The following SCML4 variants were observed in gnomAD, a reference collection of about 807,000 sequenced individuals.
SCML4 encodes the protein Scm polycomb group protein like 4.
Under a neutral mutation model 41.1 loss-of-function variants are expected in SCML4, and 34 were observed. That is an observed-to-expected ratio of 0.83 (90% CI 0.63 to 1.10). The LOEUF (loss-of-function observed/expected upper bound fraction) is 1.10, where lower values mean the gene tolerates loss of function less well. Ranked by LOEUF, SCML4 falls within the 50% of genes least tolerant of loss-of-function variation. SCML4 has a pLI of 0.00. For synonymous variants in SCML4, 214 were observed against 220.9 expected (o/e 0.97, Z 0.28); for missense variants, 522 against 534.1 (o/e 0.98, Z 0.22).
chr6:107,837,346 T>C, the SCML4 span, among the ~76,000 whole-genome samples: 1 of 152,138 alleles, frequency 6.6e-6, no homozygotes, highest in Non-Finnish European at 1.5e-5. Context: ...TGTCTTGGTG[T>C]GTTTGGGGGA....
chr6:107,832,757 G>A, the SCML4 span, among the ~76,000 whole-genome samples: 1 of 152,216 alleles, frequency 6.6e-6, no homozygotes, highest in Non-Finnish European at 1.5e-5. Context: ...AGAAGGTGGG[G>A]CAGAGGAGAC....
At chr6:107,767,687 C>T (rs1194048927) in intron 2 of SCML4, among the ~76,000 whole-genome samples, 6 of 152,228 alleles carry the variant, frequency 3.9e-5, no homozygotes. Context: ...TATCCATTCT[C>T]CTTTCTCCCT....
intron 6 of SCML4, among the ~76,000 whole-genome samples, chr6:107,713,579 A>C (rs566746527): frequency 3.9e-5 from 6 of 152,190 alleles, no homozygotes; most frequent in Non-Finnish European, 8.8e-5. Flanking sequence ...TAAATTGTGA[A>C]TATTATTTGC....
intron 1 of SCML4, among the ~76,000 whole-genome samples, chr6:107,803,003 C>A (rs1283392872): frequency 2.6e-5 from 4 of 151,636 alleles, no homozygotes; most frequent in Non-Finnish European, 5.9e-5. Context: ...GCCTCGGCCT[C>A]CCGAGGTGCC....
chr6:107,749,320 A>G (rs985383253), intron 3 of SCML4, among the ~76,000 whole-genome samples: 1 of 152,092 alleles, frequency 6.6e-6, no homozygotes, highest in African/African-American at 2.4e-5. Context: ...GAGCAAACAC[A>G]GGAACAAGAG....
At position 107,707,969 on chromosome 6, in the gene SCML4, C is replaced by G. The variant is rs1214484141; in HGVS notation, c.1016G>C (p.Arg339Pro). The stretch of plus-strand genomic sequence containing the variant: ...AGTCCAGGCGGAGGGGTTCCTGCTC[C>G]GTGGCCGCCTGGCATCCTGCGCATC... ...SQDAQDARRP[R>P]SRNPSAWTVE... is the part of the protein sequence containing the mutation. The change falls in exon 7 of 8, where the codon CGG becomes CCG. Residue 339 changes from arginine to proline, a missense_variant. Transcript: ENST00000369020. The G allele has an allele frequency of 3.2e-6, 5 of 1,551,540 alleles. No homozygotes were observed. In the South Asian group the frequency reaches 5.9e-5, roughly 18 times the overall value.
chr6:107,811,016 GGC>G (rs1357320755), intron 1 of SCML4, among the ~76,000 whole-genome samples: 1 of 152,086 alleles, frequency 6.6e-6, no homozygotes, highest in Non-Finnish European at 1.5e-5. Context: ...AATCCAATAG[GGC>G]TGGTGTCTTT....
intron 5 of SCML4, among the ~76,000 whole-genome samples, chr6:107,741,695 G>A (rs543461387): frequency 1.3e-5 from 2 of 152,318 alleles, no homozygotes; most frequent in South Asian, 4.1e-4. Flanking sequence ...TCTGCATTTG[G>A]AAAGGGCAAT....
chr6:107,808,854 G>A lies in SCML4; in HGVS notation c.-60+15272C>T, dbSNP rs1459072563. Among the ~76,000 whole-genome samples the A allele has an allele frequency of 2.0e-5, 3 of 152,294 alleles. No individual in the cohort carries two copies. In the East Asian group the frequency reaches 5.8e-4, roughly 29 times the overall value. On this transcript the variant is annotated intron_variant, in intron 1 of 7. Coordinates refer to ENST00000369020, the MANE Select transcript of SCML4 (RefSeq NM_198081.5). Reference sequence around the variant, plus strand: ...TTAAGTAATTATAAATAACATATATGTGTATTGGGATGATTTAACAGAGAA... The same window carrying A: ...TTAAGTAATTATAAATAACATATATATGTATTGGGATGATTTAACAGAGAA...
intron 1 of SCML4, among the ~76,000 whole-genome samples, chr6:107,813,750 T>G (rs181495404): frequency 7.2e-5 from 11 of 152,296 alleles, no homozygotes; most frequent in African/African-American, 2.6e-4. Flanking sequence ...TAGCTTCTCA[T>G]AGCTCACCAT....
intron 1 of SCML4, among the ~76,000 whole-genome samples, chr6:107,811,859 G>C (rs1161210504): frequency 2.0e-5 from 3 of 152,204 alleles, no homozygotes; most frequent in South Asian, 4.1e-4. Flanking sequence ...ATGGCTGTGA[G>C]ACATGGACCA....
At chr6:107,739,666 C>T (rs998593826) in intron 5 of SCML4, among the ~76,000 whole-genome samples, 1 of 152,188 alleles carries the variant, frequency 6.6e-6, no homozygotes, top group East Asian at 1.9e-4. Flanking sequence ...AACCTCCACC[C>T]TTCCCTCATA....
At position 107,795,413 on chromosome 6, in the gene SCML4, C is replaced by T. The variant is rs140571540; in HGVS notation, c.-59-23027G>A. Among the ~76,000 whole-genome samples the T allele has an allele frequency of 3.2e-3, 491 of 152,258 alleles. 2 individuals are homozygous for T. Among genetic ancestry groups the T allele is most frequent in the African/African-American group, 0.011 (470 of 41,538 alleles). ...TCTTAATTGCAGTATAATTTACCTACAGTCAATTTCATAGGTCTTAAAAGT... is the reference window on the plus strand; with the variant it reads ...TCTTAATTGCAGTATAATTTACCTATAGTCAATTTCATAGGTCTTAAAAGT... On this transcript the variant is annotated intron_variant, in intron 1 of 7. Transcript: ENST00000369020.
Position 107,703,542 on chromosome 6 carries a change from C to T in SCML4, c.*1658G>A, listed in dbSNP as rs1398034694. On this transcript the variant is annotated 3_prime_UTR_variant, in exon 8 of 8. Coordinates refer to ENST00000369020, the MANE Select transcript of SCML4 (RefSeq NM_198081.5). ...GGCATGGACTATTTCTTATGGCCTT[C>T]ATCTGGATTCTAACTATATAGAGGG... Among the ~76,000 whole-genome samples, 1 of 152,230 alleles carries T rather than the reference C, an allele frequency of 6.6e-6. No individual in the cohort carries two copies. Among genetic ancestry groups the T allele is most frequent in the East Asian group, 1.9e-4 (1 of 5,194 alleles).
intron 5 of SCML4, among the ~76,000 whole-genome samples, chr6:107,724,503 A>G (rs1583413952): frequency 1.3e-5 from 2 of 152,242 alleles, no homozygotes; most frequent in East Asian, 3.8e-4. Flanking sequence ...TAACAATTAG[A>G]AAATAAAATT....
intron 1 of SCML4, among the ~76,000 whole-genome samples, chr6:107,778,059 T>C (rs1319652815): frequency 6.6e-6 from 1 of 150,472 alleles, no homozygotes; most frequent in Non-Finnish European, 1.5e-5. Flanking sequence ...CTAATAAAAA[T>C]ACAAAAATTA....
chr6:107,708,434 G>A (rs976372287), intron 6 of SCML4, among the ~76,000 whole-genome samples: 2 of 152,110 alleles, frequency 1.3e-5, no homozygotes, highest in African/African-American at 2.4e-5. Flanking sequence ...GAGCCTCATC[G>A]CGTCAGTGAG....
intron 2 of SCML4, among the ~76,000 whole-genome samples, chr6:107,750,561 T>G (rs1302401257): frequency 6.6e-6 from 1 of 152,202 alleles, no homozygotes; most frequent in Non-Finnish European, 1.5e-5. Context: ...AGAAAGTCAG[T>G]CATGTCCCTG....
chr6:107,841,936 C>T, the SCML4 span, among the ~76,000 whole-genome samples: 2 of 151,986 alleles, frequency 1.3e-5, no homozygotes, highest in African/African-American at 4.8e-5. Context: ...TGATGTAGGC[C>T]TTTTATTATT....
Sources: gnomAD v4.1 joint callset for allele counts (sites outside exome capture counted in the v4.1 genomes callset) on GRCh38, gnomAD v4.1.1 for gene constraint, MANE v1.5 for transcripts, NCBI Gene and HGNC (gene_info 2026-07-23, HGNC 2026-07-21) for gene names.